Variants in PCDHA11 observed in about 807,000 individuals in gnomAD.
The protein encoded by PCDHA11 is protocadherin alpha-11.
PCDHA11 carries 61 observed loss-of-function variants against 70.3 expected under a neutral mutation model. That is an observed-to-expected ratio of 0.87 (90% CI 0.71 to 1.07). The LOEUF is 1.07. PCDHA11 is among the 50% of genes least tolerant of loss of function. The pLI, the probability that PCDHA11 is intolerant of heterozygous loss-of-function variation, is 0.00. For missense variants in PCDHA11, 1,324 were observed against 1,237.5 expected, an observed-to-expected ratio of 1.07 and a Z score of -1.05; for synonymous variants, 633 against 555.1, an observed-to-expected ratio of 1.14 and a Z score of -1.97.
chr5:141,007,472 G>A (rs2098331789), intron 3 of PCDHA11, among the ~76,000 whole-genome samples: 1 of 151,844 alleles, frequency 6.6e-6, no homozygotes, highest in Non-Finnish European at 1.5e-5. Context: ...GGAGGCTGAG[G>A]CACGAGAATT....
At chr5:140,972,798 A>G (rs782291338) in intron 1 of PCDHA11, among the ~76,000 whole-genome samples, 6 of 151,178 alleles carry the variant, frequency 4.0e-5, no homozygotes, top group Admixed American at 2.6e-4. Flanking sequence ...TGAGTAGCTG[A>G]GATTACAGGC....
At chr5:140,909,772 A>T (rs2074681843) in intron 1 of PCDHA11, among the ~76,000 whole-genome samples, 1 of 152,166 alleles carries the variant, frequency 6.6e-6, no homozygotes, top group Non-Finnish European at 1.5e-5. Context: ...CCAGGGACCC[A>T]CTGGACCCAC....
At chr5:140,883,133 G>C in intron 1 of PCDHA11, 1 of 1,614,112 alleles carries the variant, frequency 6.2e-7, no homozygotes, top group Non-Finnish European at 8.5e-7. Flanking sequence ...ATGGCCTGCA[G>C]TGGTATATGC....
intron 1 of PCDHA11, chr5:140,877,139 T>C (rs781891057): frequency 8.7e-6 from 14 of 1,613,764 alleles, no homozygotes; most frequent in Admixed American, 1.7e-5. Context: ...GTGTTCGTGC[T>C]GGACGAGAAC....
At position 140,882,346 on chromosome 5, in the gene PCDHA11, G is replaced by C. The variant is rs146510190; in HGVS notation, c.2391+10852G>C. 1,878 of 1,614,194 alleles carry C rather than the reference G, an allele frequency of 1.2e-3. 37 individuals are homozygous for C. In the South Asian group the frequency reaches 0.019, roughly 17 times the overall value. On this transcript the variant is annotated intron_variant, in intron 1 of 3. Transcript: ENST00000398640. ...TTCTGATCCTCGCAGCCTGGGAGAC[G>C]GGTAGTGGCCAGCTCCACTACTCCG...
intron 1 of PCDHA11, chr5:140,967,338 A>G: frequency 3.7e-6 from 6 of 1,607,948 alleles, no homozygotes; most frequent in Non-Finnish European, 4.3e-6. Flanking sequence ...AGCCCCAGCG[A>G]GCACTTCGAG....
chr5:140,982,420 G>A, intron 2 of PCDHA11, 55 bp from the exon 3 acceptor site: 1 of 1,611,062 alleles, frequency 6.2e-7, no homozygotes, highest in Non-Finnish European at 8.5e-7. Context: ...GGTGGAAGAA[G>A]AGATGGGAAA....
intron 1 of PCDHA11, among the ~76,000 whole-genome samples, chr5:140,917,749 C>G (rs2078340847): frequency 6.6e-6 from 1 of 152,144 alleles, no homozygotes; most frequent in African/African-American, 2.4e-5. Flanking sequence ...TCCCATTGGT[C>G]TATGTGTCTG....
At chr5:140,877,935 C>A (rs1184618592) in intron 1 of PCDHA11, 28 of 1,388,566 alleles carry the variant, frequency 2.0e-5, no homozygotes, top group Admixed American at 3.0e-5. Context: ...TGATTCTATC[C>A]TTTAAACTAT....
At chr5:140,900,270 T>C (rs1203586696) in intron 1 of PCDHA11, among the ~76,000 whole-genome samples, 1 of 152,082 alleles carries the variant, frequency 6.6e-6, no homozygotes, top group Non-Finnish European at 1.5e-5. Flanking sequence ...ATTGTGTATA[T>C]GTACCACACT....
chr5:140,999,764 T>G (rs1587850651), intron 3 of PCDHA11, among the ~76,000 whole-genome samples: 1 of 152,284 alleles, frequency 6.6e-6, no homozygotes, highest in East Asian at 1.9e-4. Flanking sequence ...CATGATGTCT[T>G]TATACTCTTA....
intron 3 of PCDHA11, among the ~76,000 whole-genome samples, chr5:140,986,867 C>A (rs1238623584): frequency 6.6e-6 from 1 of 152,140 alleles, no homozygotes; most frequent in Non-Finnish European, 1.5e-5. Flanking sequence ...TACCCGGAAA[C>A]TTGTTAGAAA....
intron 1 of PCDHA11, chr5:140,884,756 T>A: frequency 7.0e-7 from 1 of 1,427,108 alleles, no homozygotes; most frequent in Admixed American, 3.0e-5. Flanking sequence ...TTTCAAATTA[T>A]TCTTTACTTT....
chr5:140,884,060 G>C (rs781956914), intron 1 of PCDHA11: 4 of 1,613,548 alleles, frequency 2.5e-6, no homozygotes, highest in Non-Finnish European at 3.4e-6. Context: ...GCGCGCGGTG[G>C]ACGCCGATTC....
rs1459131060 is a variant in PCDHA11 at position 140,876,463 on chromosome 5, G to A, written c.2391+4969G>A. On this transcript the variant is annotated intron_variant, in intron 1 of 3. Transcript: ENST00000398640. ...CATTGATAAAGGGATTCCTTCCATG[G>A]CAGGTCACAGCATGGTCCTGGTGGA... is the stretch of plus-strand genomic sequence containing the variant. 3.7e-6 allele frequency: 6 copies of A among 1,613,896 alleles called. No homozygotes were observed. In the African/African-American group the frequency reaches 6.7e-5, roughly 18 times the overall value.
At chr5:140,927,409 A>T (rs1554204480) in intron 1 of PCDHA11, 4 of 1,614,120 alleles carry the variant, frequency 2.5e-6, no homozygotes, top group Non-Finnish European at 3.4e-6. Context: ...TCGCCTGGAC[A>T]TGGGATCGCG....
chr5:140,958,053 G>A (rs2095406506), intron 1 of PCDHA11, among the ~76,000 whole-genome samples: 1 of 152,030 alleles, frequency 6.6e-6, no homozygotes. Context: ...ATAGAAAAAA[G>A]AGAGAAAAAA....
At chr5:141,006,644 T>C (rs1411431797) in intron 3 of PCDHA11, among the ~76,000 whole-genome samples, 3 of 152,084 alleles carry the variant, frequency 2.0e-5, no homozygotes, top group African/African-American at 7.2e-5. Context: ...ATATAAGAGA[T>C]GATGGTGTCC....
rs111391918 is a variant in PCDHA11 at position 140,984,395 on chromosome 5, G to A, written c.2539+1832G>A. ...CCCTCTTTCAGATTCAAAAAATGTTGAGAACCTATCTTTTTTACAGAGATA... is the reference window on the plus strand; with the variant it reads ...CCCTCTTTCAGATTCAAAAAATGTTAAGAACCTATCTTTTTTACAGAGATA... On this transcript the variant is annotated intron_variant, in intron 3 of 3. Coordinates refer to ENST00000398640, the MANE Select transcript of PCDHA11 (RefSeq NM_018902.5). 6.4e-3 allele frequency among the ~76,000 whole-genome samples: 978 copies of A among 152,194 alleles called. 14 individuals are homozygous for A. Among genetic ancestry groups the A allele is most frequent in the African/African-American group, 0.023 (947 of 41,508 alleles).
Sources: allele counts gnomAD v4.1 joint callset (sites outside exome capture counted in the v4.1 genomes callset), GRCh38; gene constraint gnomAD v4.1.1; transcripts MANE v1.5; gene names NCBI Gene and HGNC (gene_info 2026-07-23, HGNC 2026-07-21).